Variants in ABCA5 observed in about 807,000 individuals in gnomAD.
ABCA5 encodes the protein cholesterol transporter ABCA5.
Under a neutral mutation model 206.0 loss-of-function variants are expected in ABCA5, and 163 were observed. The observed-to-expected ratio is 0.79, with a 90% confidence interval of 0.70 to 0.90. ABCA5 has a LOEUF of 0.90. ABCA5 is among the 40% of genes least tolerant of loss of function. The pLI is 0.00. For synonymous variants in ABCA5, 609 were observed against 613.8 expected, an observed-to-expected ratio of 0.99 and a Z score of 0.11; for missense variants, 1,859 against 1,912.9, an observed-to-expected ratio of 0.97 and a Z score of 0.53.
chr17:69,319,060 AC>A (rs1322968374), intron 1 of ABCA5: 26 of 338,268 alleles, frequency 7.7e-5, no homozygotes, highest in Non-Finnish European at 1.6e-5. Context: ...TTCATATTAG[AC>A]TCTGTTAAAT....
Position 69,247,213 on chromosome 17 carries a change from TAAC to T in ABCA5, c.*321_*323del. The T allele has an allele frequency of 5.8e-6, 1 of 173,298 alleles. No individual in the cohort carries two copies. The highest frequency in any genetic ancestry group is 1.2e-5 in the Non-Finnish European group (1 of 82,264). 10.7% of individuals were successfully genotyped at this position (173,298 alleles called of 1,614,324 possible). A position where few individuals can be genotyped will look rare whatever the true frequency, so the allele number is the denominator to read the frequency against. On this transcript the variant is annotated 3_prime_UTR_variant, in exon 39 of 39. Transcript: ENST00000392676. Reference sequence around the variant, plus strand: ...TAAGAAGATGGCATAAACTTAAAGATAACTTAAAAATAAAACTATTCTATTACA... The same window carrying T: ...TAAGAAGATGGCATAAACTTAAAGATTTAAAAATAAAACTATTCTATTACA...
chr17:69,303,823 T>TAC (rs375677526), intron 7 of ABCA5, among the ~76,000 whole-genome samples: 84 of 7,120 alleles, frequency 0.012, 16 homozygotes, highest in East Asian at 0.034. Context: ...CATATATATA[T>TAC]ATGTATATAT....
chr17:69,309,879 C>T (rs1018124367), intron 3 of ABCA5, among the ~76,000 whole-genome samples: 3 of 151,900 alleles, frequency 2.0e-5, no homozygotes, highest in African/African-American at 7.3e-5. Context: ...ATTCTTCCAA[C>T]AAAATAATAA....
intron 24 of ABCA5, among the ~76,000 whole-genome samples, chr17:69,263,088 T>G (rs2075167429): frequency 6.6e-6 from 1 of 152,296 alleles, no homozygotes; most frequent in South Asian, 2.1e-4. Flanking sequence ...GGAGTTTTGT[T>G]TTTTGATTGC....
chr17:69,279,751 T>C (rs548538205), intron 18 of ABCA5, among the ~76,000 whole-genome samples: 211 of 152,274 alleles, frequency 1.4e-3, no homozygotes, highest in African/African-American at 5.0e-3. Context: ...TATCTGATCT[T>C]TGACAAACCT....
chr17:69,249,937 G>A lies in ABCA5; in HGVS notation c.4733C>T (p.Ser1578Phe). The A allele has an allele frequency of 1.3e-6, 2 of 1,527,738 alleles. No individual in the cohort carries two copies. Among genetic ancestry groups the A allele is most frequent in the East Asian group, 4.6e-5 (2 of 43,666 alleles). 94.6% of individuals were successfully genotyped at this position (1,527,738 alleles called of 1,614,324 possible). A position where few individuals can be genotyped will look rare whatever the true frequency, so the allele number is the denominator to read the frequency against. Residue 1578 changes from serine (S) to phenylalanine (F), a missense_variant, in exon 37 of 39, where the codon TCC (serine) becomes TTC (phenylalanine). Physicochemically the swap from Ser to Phe is radical, Grantham distance 155. Transcript: ENST00000392676. ...AYKIPKEDVQ[S>F]LSQSFFKLEE... ...CAGCTTAAAAAAAGATTGTGAAAGG[G>A]ACTGAACATCTTCCTTAGGAATTTT...
intron 6 of ABCA5, among the ~76,000 whole-genome samples, chr17:69,305,154 G>C (rs1461041740): frequency 2.0e-5 from 3 of 152,104 alleles, no homozygotes; most frequent in African/African-American, 7.2e-5. Flanking sequence ...GGAGTTTAAT[G>C]AGTCAAGATA....
chr17:69,303,821 T>TACACACATAC (rs1219680142), intron 7 of ABCA5, among the ~76,000 whole-genome samples: 2 of 7,882 alleles, frequency 2.5e-4, no homozygotes, highest in South Asian at 0.042. Flanking sequence ...TACATATATA[T>TACACACATAC]ATATGTATAT....
At chr17:69,297,932 C>G (rs1010045691) in intron 9 of ABCA5, among the ~76,000 whole-genome samples, 1 of 152,176 alleles carries the variant, frequency 6.6e-6, no homozygotes, top group Non-Finnish European at 1.5e-5. Flanking sequence ...CACCTATAAT[C>G]CCAACACTTT....
chr17:69,301,342 C>T, intron 8 of ABCA5, 56 bp from the exon 9 acceptor site: 3 of 1,463,886 alleles, frequency 2.0e-6, no homozygotes, highest in Non-Finnish European at 2.8e-6. Context: ...CAAGCAAAAG[C>T]TAACACTACT....
chr17:69,303,144 G>T (rs1005830959), intron 7 of ABCA5, among the ~76,000 whole-genome samples: 15 of 152,066 alleles, frequency 9.9e-5, no homozygotes, highest in Non-Finnish European at 1.8e-4. Context: ...TTGAGACAGG[G>T]TCTTGTTCTG....
chr17:69,299,263 TTAAAGA>T (rs1391252629), intron 9 of ABCA5, among the ~76,000 whole-genome samples: 5 of 152,148 alleles, frequency 3.3e-5, no homozygotes, highest in Non-Finnish European at 7.4e-5. Context: ...TGGAGATTCC[TTAAAGA>T]ACTAAGGTAA....
intron 18 of ABCA5, among the ~76,000 whole-genome samples, chr17:69,282,983 T>C (rs2075412070): frequency 7.5e-6 from 1 of 133,308 alleles, no homozygotes; most frequent in Non-Finnish European, 1.5e-5. Context: ...TCTTTCCCTT[T>C]TTTTTTTTTT....
At position 69,285,972 on chromosome 17, in the gene ABCA5, C is replaced by G; in HGVS notation, c.2198G>C (p.Gly733Ala). The G allele has an allele frequency of 6.2e-7, 1 of 1,613,090 alleles. No individual in the cohort carries two copies. Among genetic ancestry groups the G allele is most frequent in the Non-Finnish European group, 8.5e-7 (1 of 1,179,466 alleles). ...GTCATTCTGTTGTAATAAAGTAGCTCCAGGTATATGTTGTTTAACCAGTGA... is the reference window on the plus strand; with the variant it reads ...GTCATTCTGTTGTAATAAAGTAGCTGCAGGTATATGTTGTTTAACCAGTGA... ...LSSLVKQHIP[G>A]ATLLQQNDQQ... is the part of the protein sequence containing the mutation. Residue 733 changes from glycine (G) to alanine (A), a missense_variant, in exon 17 of 39, where the codon GGA becomes GCA. Coordinates refer to ENST00000392676, the MANE Select transcript of ABCA5 (RefSeq NM_172232.4).
intron 34 of ABCA5, 150 bp from the exon 35 acceptor site, chr17:69,252,016 A>AT (rs1555668445): frequency 0.081 from 48,487 of 600,136 alleles, 332 homozygotes; most frequent in Non-Finnish European, 0.095. Context: ...CCCAACTATG[A>AT]TTTTTTTTTT....
rs369145518 is a variant in ABCA5, at chr17:69,277,836, C to G, written c.2399G>C (p.Ser800Thr). Residue 800 changes from serine to threonine, a missense_variant, in exon 19 of 39, where the codon AGT (serine) becomes ACT (threonine). Ser to Thr is a moderately conservative substitution (Grantham distance 58). Transcript: ENST00000392676. ...VEAEIDQADY[S>T]VFTQQPLEEE... ...CTCCAGTGGCTGCTGAGTAAATACACTATAATCTATTTGCCAAAACAAAAC... is the reference window on the plus strand; with the variant it reads ...CTCCAGTGGCTGCTGAGTAAATACAGTATAATCTATTTGCCAAAACAAAAC... 2 of 1,518,816 alleles carry G rather than the reference C, an allele frequency of 1.3e-6. No individual in the cohort carries two copies. The highest frequency in any genetic ancestry group is 8.8e-7 in the Non-Finnish European group (1 of 1,136,158). The allele number at this position is 1,518,816 out of a possible 1,614,324, so 94.1% of individuals were successfully genotyped here.
At chr17:69,297,599 T>C (rs1448650330) in intron 9 of ABCA5, among the ~76,000 whole-genome samples, 1 of 152,214 alleles carries the variant, frequency 6.6e-6, no homozygotes, top group African/African-American at 2.4e-5. Context: ...AATCAAAGTT[T>C]TATTGATAAA....
chr17:69,264,717 C>A lies in ABCA5; in HGVS notation c.3315+18G>T. ...ATTCTATCTATAAATAGCATGAGTA[C>A]AACTAACGTTAACTTACCACAGCAA... On this transcript the variant is annotated intron_variant, in intron 24 of 38. Transcript: ENST00000392676. 1.4e-6 allele frequency: 2 copies of A among 1,480,694 alleles called. No individual in the cohort carries two copies. Among genetic ancestry groups the A allele is most frequent in the Non-Finnish European group, 1.8e-6 (2 of 1,111,190 alleles). 91.7% of individuals were successfully genotyped at this position (1,480,694 alleles called of 1,614,324 possible).
intron 17 of ABCA5, among the ~76,000 whole-genome samples, chr17:69,284,330 C>G (rs2075428203): frequency 6.6e-6 from 1 of 152,030 alleles, no homozygotes; most frequent in Admixed American, 6.6e-5. Context: ...GCACTGAACT[C>G]CAGCCTAAGT....
Sources: allele counts gnomAD v4.1 joint callset (sites outside exome capture counted in the v4.1 genomes callset), GRCh38; gene constraint gnomAD v4.1.1; transcripts MANE v1.5; gene names NCBI Gene and HGNC (gene_info 2026-07-23, HGNC 2026-07-21).